Variants in CSMD1 observed in about 807,000 individuals in gnomAD.
CSMD1 encodes CUB and Sushi multiple domains 1, also known as CUB and sushi domain-containing protein 1.
In CSMD1, 213 loss-of-function variants were observed where a neutral mutation model predicts 417.5. That is an observed-to-expected ratio of 0.51 (90% confidence interval 0.46 to 0.57). The LOEUF is 0.57. Ranked by LOEUF, CSMD1 falls within the 20% of genes least tolerant of loss-of-function variation. The probability of loss-of-function intolerance (pLI) is 0.00; values close to 1 mark genes in which losing one functional copy is unlikely to be tolerated. For synonymous variants in CSMD1, 2,862 were observed against 1,736.8 expected (o/e 1.65, Z -16.11); for missense variants, 6,923 against 4,529.7 (o/e 1.53, Z -15.17).
chr8:4,206,688 G>C (rs754748961), intron 3 of CSMD1, among the ~76,000 whole-genome samples: 7 of 152,102 alleles, frequency 4.6e-5, no homozygotes, highest in Admixed American at 6.6e-5. Context: ...AAAATCCTTT[G>C]GGTATATACC....
At chr8:4,506,125 A>G (rs1004401628) in intron 2 of CSMD1, among the ~76,000 whole-genome samples, 2 of 152,216 alleles carry the variant, frequency 1.3e-5, no homozygotes, top group African/African-American at 2.4e-5. Flanking sequence ...AGTTGCCAAC[A>G]GCCCAGTTAC....
chr8:4,688,718 G>A (rs1056027624), intron 1 of CSMD1, among the ~76,000 whole-genome samples: 1 of 152,088 alleles, frequency 6.6e-6, no homozygotes, highest in African/African-American at 2.4e-5. Context: ...CTCCACAAAT[G>A]TCATCTCATT....
intron 7 of CSMD1, among the ~76,000 whole-genome samples, chr8:3,678,606 A>T (rs1480471467): frequency 6.6e-6 from 1 of 152,276 alleles, no homozygotes; most frequent in Middle Eastern, 3.4e-3. Context: ...AAGTTGGAAA[A>T]CACTCTGCAG....
rs935413377 is a variant in CSMD1, at chr8:3,142,405, C to T, written c.6241+60G>A. 8 of 1,370,548 alleles carry T rather than the reference C, an allele frequency of 5.8e-6. 1 individual carries two copies. The East Asian group carries it at 2.0e-4, about 34-fold the overall frequency. 84.9% of individuals were successfully genotyped at this position (1,370,548 alleles called of 1,614,324 possible). A position where few individuals can be genotyped will look rare whatever the true frequency, so the allele number is the denominator to read the frequency against. On this transcript the variant is annotated intron_variant, in intron 41 of 69. Coordinates refer to ENST00000635120, the MANE Select transcript of CSMD1 (RefSeq NM_033225.6). ...AGTTAGGGAGATTTATACTTAAATA[C>T]AATTTACATGTAAGAAGTGTATTTA...
At chr8:4,066,648 G>A (rs1799265427) in intron 3 of CSMD1, among the ~76,000 whole-genome samples, 1 of 152,194 alleles carries the variant, frequency 6.6e-6, no homozygotes, top group Non-Finnish European at 1.5e-5. Flanking sequence ...CTTTGTGGAT[G>A]TTTTTGCTCA....
chr8:4,527,464 C>T (rs1222037588), intron 2 of CSMD1, among the ~76,000 whole-genome samples: 1 of 152,134 alleles, frequency 6.6e-6, no homozygotes, highest in African/African-American at 2.4e-5. Context: ...ATCCTGTTTG[C>T]AAAGTTGGTG....
At chr8:3,905,646 G>A (rs1319659409) in intron 5 of CSMD1, among the ~76,000 whole-genome samples, 2 of 152,190 alleles carry the variant, frequency 1.3e-5, no homozygotes, top group African/African-American at 4.8e-5. Flanking sequence ...CACTGTCCCA[G>A]GCAATGCTCA....
intron 1 of CSMD1, among the ~76,000 whole-genome samples, chr8:4,809,179 T>C (rs17071462): frequency 0.046 from 6,997 of 152,240 alleles, 313 homozygotes; most frequent in East Asian, 0.24. Context: ...TAAATACACG[T>C]CTTGATATCA....
At chr8:3,186,866 C>T (rs1257016563) in intron 36 of CSMD1, among the ~76,000 whole-genome samples, 1 of 152,170 alleles carries the variant, frequency 6.6e-6, no homozygotes, top group African/African-American at 2.4e-5. Flanking sequence ...ACAGAGATAG[C>T]AATAATCCCT....
At chr8:3,562,474 C>T (rs966804972) in intron 10 of CSMD1, among the ~76,000 whole-genome samples, 2 of 122,296 alleles carry the variant, frequency 1.6e-5, no homozygotes, top group Non-Finnish European at 3.5e-5. Flanking sequence ...TATGCACACA[C>T]ACACATTAAG....
intron 5 of CSMD1, among the ~76,000 whole-genome samples, chr8:3,835,751 C>G (rs949920782): frequency 1.3e-5 from 2 of 151,464 alleles, no homozygotes; most frequent in Admixed American, 1.3e-4. Flanking sequence ...TTGGATGGCT[C>G]CACCCTTAAC....
intron 1 of CSMD1, among the ~76,000 whole-genome samples, chr8:4,857,629 C>T (rs938532175): frequency 2.0e-5 from 3 of 152,066 alleles, no homozygotes; most frequent in African/African-American, 4.8e-5. Context: ...GGGAATACTA[C>T]AAACACCTCT....
chr8:3,935,283 G>T (rs1395046756), intron 5 of CSMD1, among the ~76,000 whole-genome samples: 1 of 152,106 alleles, frequency 6.6e-6, no homozygotes, highest in South Asian at 2.1e-4. Flanking sequence ...CATAGATACT[G>T]TATTTGATAC....
At chr8:4,332,565 A>G (rs1302499044) in intron 3 of CSMD1, among the ~76,000 whole-genome samples, 1 of 38,916 alleles carries the variant, frequency 2.6e-5, no homozygotes, top group Non-Finnish European at 4.6e-5. Context: ...ACACACACAC[A>G]CACACACACA....
At chr8:3,980,800 C>A (rs1332154037) in intron 5 of CSMD1, among the ~76,000 whole-genome samples, 1 of 152,152 alleles carries the variant, frequency 6.6e-6, no homozygotes, top group African/African-American at 2.4e-5. Context: ...GGGATACATA[C>A]CCCTTGGCCA....
At chr8:3,464,667 G>A (rs1400344996) in intron 12 of CSMD1, among the ~76,000 whole-genome samples, 1 of 150,856 alleles carries the variant, frequency 6.6e-6, no homozygotes, top group Non-Finnish European at 1.5e-5. Context: ...TATATAAATT[G>A]TATATGTAAA....
At chr8:4,259,912 G>A (rs1386419251) in intron 3 of CSMD1, among the ~76,000 whole-genome samples, 1 of 152,020 alleles carries the variant, frequency 6.6e-6, no homozygotes, top group African/African-American at 2.4e-5. Context: ...CTCTTCTGTT[G>A]TATAATACTA....
At chr8:4,119,524 T>A (rs1418969020) in intron 3 of CSMD1, among the ~76,000 whole-genome samples, 1 of 152,090 alleles carries the variant, frequency 6.6e-6, no homozygotes, top group Non-Finnish European at 1.5e-5. Context: ...GGTGGGGTGC[T>A]TGGGAAATAA....
At chr8:3,142,351 A>T in intron 41 of CSMD1, 114 bp downstream of exon 41, 1 of 945,440 alleles carries the variant, frequency 1.1e-6, no homozygotes, top group South Asian at 1.6e-5. Flanking sequence ...TCCACCAAAA[A>T]ATTATTCCAC....
Sources: gnomAD v4.1 joint callset for allele counts (sites outside exome capture counted in the v4.1 genomes callset) on GRCh38, gnomAD v4.1.1 for gene constraint, MANE v1.5 for transcripts, NCBI Gene and HGNC (gene_info 2026-07-23, HGNC 2026-07-21) for gene names.